Variants in CRACDL observed in about 807,000 individuals in gnomAD.
CRACDL encodes CRACD like.
In CRACDL, 26 loss-of-function variants were observed where a neutral mutation model predicts 70.6. The observed-to-expected ratio is 0.37, with a 90% CI of 0.27 to 0.51. The LOEUF (loss-of-function observed/expected upper bound fraction) is 0.51. CRACDL is among the 20% of genes least tolerant of loss of function. CRACDL has a pLI of 0.94. For missense variants in CRACDL, 1,283 were observed against 1,376.9 expected (o/e 0.93, Z 1.08); for synonymous variants, 618 against 615.2 (o/e 1.00, Z -0.07).
chr2:98,796,168 A>G lies in CRACDL; in HGVS notation c.2701T>C (p.Phe901Leu), dbSNP rs1703810864. ...ATTCCTCTTTGCAGCCCCTCCTTGA[A>G]GTTGAGCTTTGCCCCCTGCTTCCGG... ...VDRKQGAKLN[F>L]KEGLQRGISL... is the part of the protein sequence containing the mutation. The change falls in exon 9 of 10, where the codon TTC (phenylalanine) becomes CTC (leucine). Residue 901 changes from phenylalanine to leucine, a missense_variant. By Grantham distance (22) the Phe-to-Leu change is conservative. Around this residue, in one of 2 missense-constraint regions of CRACDL, gnomAD observed 921 missense variants for 881.9 expected, o/e 1.04. Transcript: ENST00000397899. The G allele has an allele frequency of 5.6e-6, 9 of 1,614,204 alleles. No individual in the cohort carries two copies. The highest frequency in any genetic ancestry group is 2.2e-5 in the East Asian group (1 of 44,890).
At chr2:98,845,909 T>C (rs1254746626) in intron 2 of CRACDL, among the ~76,000 whole-genome samples, 5 of 152,182 alleles carry the variant, frequency 3.3e-5, no homozygotes, top group Admixed American at 3.3e-4. Context: ...CTTTAATATC[T>C]GAAATGGAGT....
chr2:98,827,492 A>C (rs977430841), intron 5 of CRACDL, among the ~76,000 whole-genome samples: 1 of 152,116 alleles, frequency 6.6e-6, no homozygotes, highest in South Asian at 2.1e-4. Context: ...GGGTTTCACC[A>C]TGTTGGCCAG....
intron 2 of CRACDL, among the ~76,000 whole-genome samples, chr2:98,846,487 G>A (rs1201394050): frequency 6.6e-6 from 1 of 152,188 alleles, no homozygotes; most frequent in Non-Finnish European, 1.5e-5. Flanking sequence ...CCAGAAAGGA[G>A]GAAAATGAGC....
At chr2:98,807,261 T>C (rs1234800150) in intron 7 of CRACDL, among the ~76,000 whole-genome samples, 1 of 152,174 alleles carries the variant, frequency 6.6e-6, no homozygotes, top group Non-Finnish European at 1.5e-5. Flanking sequence ...TACTAAGAGG[T>C]ATGACCTCAT....
intron 1 of CRACDL, among the ~76,000 whole-genome samples, chr2:98,905,855 C>G (rs13025076): frequency 0.51 from 77,576 of 151,698 alleles, 21,469 homozygotes; most frequent in African/African-American, 0.72. Flanking sequence ...GACCTCAGGT[C>G]ATCTTCCCAC....
At chr2:98,879,148 C>T (rs1707568428) in intron 1 of CRACDL, among the ~76,000 whole-genome samples, 1 of 152,160 alleles carries the variant, frequency 6.6e-6, no homozygotes, top group Admixed American at 6.5e-5. Flanking sequence ...GGGCAGAAAC[C>T]AGTTCTTTTC....
At chr2:98,846,374 A>G (rs528511125) in intron 2 of CRACDL, among the ~76,000 whole-genome samples, 6 of 152,280 alleles carry the variant, frequency 3.9e-5, no homozygotes, top group Admixed American at 2.6e-4. Flanking sequence ...TACTTTGCTC[A>G]GCTTCCTACT....
intron 5 of CRACDL, among the ~76,000 whole-genome samples, chr2:98,832,147 C>T (rs1705568068): frequency 1.3e-5 from 2 of 152,180 alleles, no homozygotes; most frequent in Non-Finnish European, 2.9e-5. Flanking sequence ...ACCAAAACCA[C>T]GTCTCCTAAC....
chr2:98,824,558 CAT>C (rs1035760789), intron 6 of CRACDL, among the ~76,000 whole-genome samples: 13 of 152,236 alleles, frequency 8.5e-5, no homozygotes, highest in Admixed American at 3.9e-4. Context: ...TCAAAAGTAA[CAT>C]GTGGAAATGA....
rs528012128 is a variant in CRACDL, at chr2:98,926,853, C to T, written c.-11+9085G>A. 6.0e-4 allele frequency among the ~76,000 whole-genome samples: 91 copies of T among 152,336 alleles called. 2 individuals carry two copies. Among genetic ancestry groups the T allele is most frequent in the South Asian group, 5.6e-3 (27 of 4,834 alleles). The stretch of plus-strand genomic sequence containing the variant: ...AGGGTTGCTCGGTATTGACTCAACA[C>T]GGCCAGGAAAGGGGCAGAGAGAGCG... On this transcript the variant is annotated intron_variant, in intron 1 of 9. Transcript: ENST00000397899.
At chr2:98,862,012 A>G (rs1352135396) in intron 1 of CRACDL, among the ~76,000 whole-genome samples, 2 of 151,460 alleles carry the variant, frequency 1.3e-5, no homozygotes, top group Admixed American at 1.3e-4. Flanking sequence ...TTGTTACAAG[A>G]CTCCCTCCAG....
intron 1 of CRACDL, among the ~76,000 whole-genome samples, chr2:98,873,336 C>G (rs1328993927): frequency 6.6e-6 from 1 of 152,250 alleles, no homozygotes; most frequent in African/African-American, 2.4e-5. Flanking sequence ...CGCTGTAGAA[C>G]TTGAGAGCAA....
At chr2:98,913,943 T>A (rs1310042041) in intron 1 of CRACDL, among the ~76,000 whole-genome samples, 2 of 152,222 alleles carry the variant, frequency 1.3e-5, no homozygotes, top group Non-Finnish European at 2.9e-5. Flanking sequence ...TGGTTTACGC[T>A]TTATGCGCAG....
intron 4 of CRACDL, 148 bp downstream of exon 4, chr2:98,832,714 C>T: frequency 9.0e-7 from 1 of 1,112,334 alleles, no homozygotes; most frequent in Non-Finnish European, 1.3e-6. Flanking sequence ...GATCCCACTG[C>T]AGCTCATTTG....
At chr2:98,915,661 G>C (rs1450695058) in intron 1 of CRACDL, among the ~76,000 whole-genome samples, 1 of 152,130 alleles carries the variant, frequency 6.6e-6, no homozygotes, top group Non-Finnish European at 1.5e-5. Flanking sequence ...GAGAGGGTGG[G>C]CTGCCTGCTG....
chr2:98,931,167 A>T (rs1342038092), intron 1 of CRACDL, among the ~76,000 whole-genome samples: 1 of 152,116 alleles, frequency 6.6e-6, no homozygotes, highest in Non-Finnish European at 1.5e-5. Flanking sequence ...TCTACTAAAA[A>T]TACAAAAATT....
At chr2:98,884,578 ACGTG>A (rs1707752600) in intron 1 of CRACDL, among the ~76,000 whole-genome samples, 3 of 152,194 alleles carry the variant, frequency 2.0e-5, no homozygotes, top group Admixed American at 2.0e-4. Context: ...CCTAAAATTC[ACGTG>A]TTGAAACCTA....
intron 7 of CRACDL, among the ~76,000 whole-genome samples, chr2:98,800,248 G>A (rs1457730190): frequency 6.6e-6 from 1 of 152,292 alleles, no homozygotes; most frequent in Admixed American, 6.5e-5. Context: ...ATTTACAAAG[G>A]GCTATGCGGA....
At chr2:98,875,049 AAC>A (rs1283400138) in intron 1 of CRACDL, among the ~76,000 whole-genome samples, 1 of 152,206 alleles carries the variant, frequency 6.6e-6, no homozygotes, top group African/African-American at 2.4e-5. Context: ...GTGCAGAACA[AAC>A]ACAGTCTGCA....
Sources: allele counts gnomAD v4.1 joint callset (sites outside exome capture counted in the v4.1 genomes callset), GRCh38; gene constraint gnomAD v4.1.1; regional missense constraint gnomAD v4.1.1; transcripts MANE v1.5; gene names NCBI Gene and HGNC (gene_info 2026-07-23, HGNC 2026-07-21).